ELL2: variants seen among roughly 807,000 people sequenced by gnomAD.
ELL2 encodes elongation factor for RNA polymerase II 2.
In ELL2, 21 loss-of-function variants were observed where a neutral mutation model predicts 72.8. The ratio of observed to expected loss-of-function variants is 0.29; its 90% CI spans 0.20 to 0.42. ELL2 has a LOEUF of 0.42. Ranked by LOEUF, ELL2 falls within the 10% of genes least tolerant of loss-of-function variation. The probability of loss-of-function intolerance (pLI) is 1.00; values close to 1 mark genes in which losing one functional copy is unlikely to be tolerated. For synonymous variants in ELL2, 266 were observed against 283.2 expected, an observed-to-expected ratio of 0.94 and a Z score of 0.61; for missense variants, 568 against 772.8, an observed-to-expected ratio of 0.73 and a Z score of 3.14.
In ELL2 at chr5:95,913,779, G is replaced by C; in HGVS notation, c.473C>G (p.Pro158Arg). 2 of 1,606,964 alleles carry C rather than the reference G, an allele frequency of 1.2e-6. No homozygotes were observed. The highest frequency in any genetic ancestry group is 8.5e-7 in the Non-Finnish European group (1 of 1,177,192). Residue 158 changes from proline (P) to arginine (R), a missense_variant, in exon 4 of 12, where the codon CCA (proline) becomes CGA (arginine). By Grantham distance (103) the Pro-to-Arg change is moderately radical. Around this residue, in one of 2 missense-constraint regions of ELL2, gnomAD observed 511 missense variants for 728.4 expected, o/e 0.70. Coordinates refer to ENST00000237853, the MANE Select transcript of ELL2 (RefSeq NM_012081.6). ...RSTKVIKPGG[P>R]YVGKRVQIRK... is the part of the protein sequence containing the mutation. ...AAGATATCTATACAAACCTACATATGGTCCACCGGGTTTGATAACTTTTGT... is the reference window on the plus strand; with the variant it reads ...AAGATATCTATACAAACCTACATATCGTCCACCGGGTTTGATAACTTTTGT...
At chr5:95,917,212 A>T (rs1376628323) in intron 3 of ELL2, among the ~76,000 whole-genome samples, 1 of 152,234 alleles carries the variant, frequency 6.6e-6, no homozygotes, top group East Asian at 1.9e-4. Flanking sequence ...GGGTAGACTT[A>T]AGGAATTTTT....
At chr5:95,945,120 C>G (rs150088487) in intron 1 of ELL2, among the ~76,000 whole-genome samples, 94 of 152,290 alleles carry the variant, frequency 6.2e-4, no homozygotes, top group African/African-American at 2.2e-3. Flanking sequence ...CTGCTACTTA[C>G]TACTGCTGAT....
chr5:95,920,045 G>T (rs1264692532), intron 2 of ELL2, among the ~76,000 whole-genome samples: 2 of 152,048 alleles, frequency 1.3e-5, no homozygotes, highest in Non-Finnish European at 1.5e-5. Context: ...TCTTAGAGCA[G>T]TATTTTTGAA....
intron 3 of ELL2, among the ~76,000 whole-genome samples, chr5:95,915,775 G>A (rs1172425781): frequency 1.3e-5 from 2 of 152,126 alleles, no homozygotes; most frequent in African/African-American, 4.8e-5. Flanking sequence ...TCTGTGCAGG[G>A]CCAGGAAGAG....
At chr5:95,949,950 G>A (rs1311729486) in intron 1 of ELL2, among the ~76,000 whole-genome samples, 1 of 152,196 alleles carries the variant, frequency 6.6e-6, no homozygotes, top group African/African-American at 2.4e-5. Context: ...TCTCAGGTAA[G>A]TTCTGTGAAT....
intron 4 of ELL2, among the ~76,000 whole-genome samples, chr5:95,908,505 CT>C (rs571269569): frequency 6.6e-6 from 1 of 152,176 alleles, no homozygotes; most frequent in Non-Finnish European, 1.5e-5. Flanking sequence ...GCAGTGGCTG[CT>C]TTGTCCACTA....
chr5:95,906,173 T>C (rs1268375899), intron 5 of ELL2, among the ~76,000 whole-genome samples: 1 of 152,162 alleles, frequency 6.6e-6, no homozygotes, highest in Non-Finnish European at 1.5e-5. Flanking sequence ...ATAGAATACA[T>C]TGCACAATTT....
chr5:95,922,224 G>A (rs985140744), intron 2 of ELL2, among the ~76,000 whole-genome samples: 3 of 152,048 alleles, frequency 2.0e-5, no homozygotes, highest in Admixed American at 6.5e-5. Context: ...CACCACGCCC[G>A]GCTAATTTTT....
chr5:95,895,227 T>C (rs2112271167), intron 9 of ELL2, among the ~76,000 whole-genome samples: 1 of 152,372 alleles, frequency 6.6e-6, no homozygotes, highest in Non-Finnish European at 1.5e-5. Context: ...ACACTTTGTA[T>C]TATTATGTGC....
intron 3 of ELL2, among the ~76,000 whole-genome samples, chr5:95,918,152 A>G (rs898353520): frequency 1.3e-5 from 2 of 152,254 alleles, no homozygotes; most frequent in Non-Finnish European, 2.9e-5. Context: ...GCTGATCAAT[A>G]GAACATTTTG....
intron 1 of ELL2, among the ~76,000 whole-genome samples, chr5:95,947,245 T>G (rs777467732): frequency 6.6e-6 from 1 of 152,200 alleles, no homozygotes; most frequent in Non-Finnish European, 1.5e-5. Flanking sequence ...TCTCTTTATA[T>G]ATGAAGTATA....
In ELL2 at chr5:95,927,704, TAC is replaced by T. The variant is rs67847753; in HGVS notation, c.196-8161_196-8160del. On this transcript the variant is annotated intron_variant, in intron 2 of 11. Coordinates refer to ENST00000237853, the MANE Select transcript of ELL2 (RefSeq NM_012081.6). ...ACACACACACGTGTGTATATAGACA[TAC>T]ACACACACATATGTGTGTATATAGA... is the stretch of plus-strand genomic sequence containing the variant. Among the ~76,000 whole-genome samples the T allele has an allele frequency of 1.0e-4, 5 of 48,658 alleles. 1 individual carries two copies. Among genetic ancestry groups the T allele is most frequent in the Non-Finnish European group, 7.1e-5 (2 of 28,004 alleles). 31.9% of individuals were successfully genotyped at this position (48,658 alleles called of 152,430 possible).
chr5:95,907,296 A>ATATATATATTTTTTTTT, intron 4 of ELL2, among the ~76,000 whole-genome samples: 3 of 116,492 alleles, frequency 2.6e-5, no homozygotes, highest in Admixed American at 1.7e-4. Flanking sequence ...ATATATATAT[A>ATATATATATTTTTTTTT]TTTTTTTTTT....
intron 1 of ELL2, among the ~76,000 whole-genome samples, chr5:95,958,332 C>A (rs918419282): frequency 3.3e-5 from 5 of 152,204 alleles, no homozygotes; most frequent in Non-Finnish European, 4.4e-5. Context: ...TATCCTTCCA[C>A]TGGAGGATAA....
At chr5:95,910,770 T>C (rs759639977) in intron 4 of ELL2, among the ~76,000 whole-genome samples, 1 of 152,162 alleles carries the variant, frequency 6.6e-6, no homozygotes, top group Non-Finnish European at 1.5e-5. Flanking sequence ...CAGGCTGACA[T>C]TGTTGAAAGA....
At chr5:95,891,055 A>G (rs751648045) in intron 10 of ELL2, 48 bp downstream of exon 10, 8 of 1,612,656 alleles carry the variant, frequency 5.0e-6, no homozygotes. Flanking sequence ...AGGGAAAGAA[A>G]GAAGGTAAAA....
chr5:95,928,948 A>C (rs889302), intron 2 of ELL2, among the ~76,000 whole-genome samples: 56,765 of 151,802 alleles, frequency 0.37, 11,937 homozygotes, highest in African/African-American at 0.58. Flanking sequence ...TCATCTCCAC[A>C]TTGTATTTCA....
At position 95,898,260 on chromosome 5, in the gene ELL2, G is replaced by C; in HGVS notation, c.1505C>G (p.Ser502Cys). 1 of 1,606,544 alleles carries C rather than the reference G, an allele frequency of 6.2e-7. No individual in the cohort carries two copies. Among genetic ancestry groups the C allele is most frequent in the Non-Finnish European group, 8.5e-7 (1 of 1,177,956 alleles). The change falls in exon 8 of 12, where the codon TCC becomes TGC. Residue 502 changes from serine (S) to cysteine (C), a missense_variant. Coordinates refer to ENST00000237853, the MANE Select transcript of ELL2 (RefSeq NM_012081.6). The stretch of plus-strand genomic sequence containing the variant: ...AATACCTCCACTGGAATTTGGACTG[G>C]AGTTATTTAGCTTGGCAATTTCCTC... ...REEEIAKLNN[S>C]SPNSSGGVKE...
rs1749367462 is a variant in ELL2, at chr5:95,906,572, T to C, written c.692A>G (p.Asp231Gly). 2 of 1,613,922 alleles carry C rather than the reference T, an allele frequency of 1.2e-6. No homozygotes were observed. The highest frequency in any genetic ancestry group is 8.5e-7 in the Non-Finnish European group (1 of 1,179,914). The change falls in exon 5 of 12, where the codon GAT (aspartate) becomes GGT (glycine). Residue 231 changes from aspartate (D) to glycine (G), a missense_variant. This residue lies in a region of ELL2 where 511 missense variants were observed against 728.4 expected (regional missense o/e 0.70). Transcript: ENST00000237853. Reference sequence around the variant, plus strand: ...GTTCTTGTCTTTTTGATTGACACCATCTTTCTGGAGTCTAGCAAGTAGCTC... The same window carrying C: ...GTTCTTGTCTTTTTGATTGACACCACCTTTCTGGAGTCTAGCAAGTAGCTC... ...KPELLARLQKDGVNQKDKNSL... is the reference protein window; with the variant it reads ...KPELLARLQKGGVNQKDKNSL...
Sources: allele counts gnomAD v4.1 joint callset (sites outside exome capture counted in the v4.1 genomes callset), GRCh38; gene constraint gnomAD v4.1.1; regional missense constraint gnomAD v4.1.1; transcripts MANE v1.5; gene names NCBI Gene and HGNC (gene_info 2026-07-23, HGNC 2026-07-21).